Variants in COL27A1 observed in about 807,000 individuals in gnomAD.
COL27A1 encodes the protein collagen alpha-1(XXVII) chain.
In COL27A1, 106 loss-of-function variants were observed where a neutral mutation model predicts 251.3. That is an observed-to-expected ratio of 0.42 (90% confidence interval 0.36 to 0.50). The LOEUF is 0.50. Ranked by LOEUF, COL27A1 falls within the 20% of genes least tolerant of loss-of-function variation. COL27A1 has a pLI of 0.00. For missense variants in COL27A1, 2,325 were observed against 2,522.8 expected (o/e 0.92, Z 1.68); for synonymous variants, 1,000 against 986.3 (o/e 1.01, Z -0.26).
chr9:114,301,840 A>T (rs2131666363), intron 55 of COL27A1, 123 bp downstream of exon 55: 2 of 1,018,700 alleles, frequency 2.0e-6, no homozygotes, highest in East Asian at 2.5e-5. Flanking sequence ...TAGCCCACAG[A>T]CTCCTAGGAG....
rs746110407 is a variant in COL27A1 at position 114,300,135 on chromosome 9, C to G, written c.4638+12C>G. 8 of 1,613,274 alleles carry G rather than the reference C, an allele frequency of 5.0e-6. No homozygotes were observed. The highest frequency in any genetic ancestry group is 6.8e-6 in the Non-Finnish European group (8 of 1,179,246). ...TCTTCGGACCCAAGGTATGGACTCC[C>G]ACGGCTCACTGTTCCTGTGGGGTCC... On this transcript the variant is annotated intron_variant, in intron 50 of 60. Coordinates refer to ENST00000356083, the MANE Select transcript of COL27A1 (RefSeq NM_032888.4).
chr9:114,207,351 G>C (rs1830039092), intron 10 of COL27A1, among the ~76,000 whole-genome samples: 1 of 152,146 alleles, frequency 6.6e-6, no homozygotes. Context: ...GACAGGCAGG[G>C]CCTAAGGAGG....
Position 114,301,318 on chromosome 9 carries a change from G to A in COL27A1, c.4790G>A (p.Trp1597Ter). Residue 1597 changes from tryptophan to a stop codon, truncating the protein, a stop_gained and splice_region_variant, in exon 53 of 61, where the codon TGG (tryptophan) becomes TAG (stop). Coordinates refer to ENST00000356083, the MANE Select transcript of COL27A1 (RefSeq NM_032888.4). LOFTEE classifies it high-confidence loss of function. ...PKGDKGSRGD[W>*]GLQGPRGPPG... The stretch of plus-strand genomic sequence containing the variant: ...GGTGACAAAGGCAGCCGTGGGGACT[G>A]GGTAAGTGGATGGGCTGGGGCTGAG... The A allele has an allele frequency of 6.2e-7, 1 of 1,613,574 alleles. No individual in the cohort carries two copies. The highest frequency in any genetic ancestry group is 8.5e-7 in the Non-Finnish European group (1 of 1,179,826).
chr9:114,298,244 G>C (rs1482923936), intron 49 of COL27A1, among the ~76,000 whole-genome samples: 2 of 151,930 alleles, frequency 1.3e-5, no homozygotes, highest in African/African-American at 4.8e-5. Flanking sequence ...TAGGTCAGAA[G>C]ACTTTGTGTG....
chr9:114,297,644 C>T (rs1259402593), intron 49 of COL27A1, among the ~76,000 whole-genome samples: 1 of 151,984 alleles, frequency 6.6e-6, no homozygotes, highest in Middle Eastern at 3.2e-3. Flanking sequence ...GTGATGAAAA[C>T]ACAACAAACT....
Position 114,168,975 on chromosome 9 carries a change from G to A in COL27A1, c.1420G>A (p.Ala474Thr). The A allele has an allele frequency of 6.2e-7, 1 of 1,614,068 alleles. No homozygotes were observed. The highest frequency in any genetic ancestry group is 8.5e-7 in the Non-Finnish European group (1 of 1,180,038). ...ITSHASKPAS[A>T]RTSTHKPPPF... is the part of the protein sequence containing the mutation. ...CAGCCATGCCAGTAAGCCGGCCTCT[G>A]CCCGCACCAGCACCCACAAACCTCC... Residue 474 changes from alanine to threonine, a missense_variant, in exon 3 of 61, where the codon GCC (alanine) becomes ACC (threonine). This residue lies in a region of COL27A1 where 1,183 missense variants were observed against 1,144.1 expected (regional missense o/e 1.03). Transcript: ENST00000356083.
chr9:114,219,780 A>C lies in COL27A1; in HGVS notation c.2368-11A>C. On this transcript the variant is annotated splice_polypyrimidine_tract_variant and intron_variant, in intron 12 of 60. Coordinates refer to ENST00000356083, the MANE Select transcript of COL27A1 (RefSeq NM_032888.4). ...AACCTACAGATGTTTGTTCTCTCTCATGCCCTCCAGGGGTTTCCTGGAGTC... is the reference window on the plus strand; with the variant it reads ...AACCTACAGATGTTTGTTCTCTCTCCTGCCCTCCAGGGGTTTCCTGGAGTC... The C allele has an allele frequency of 6.3e-7, 1 of 1,599,488 alleles. No individual in the cohort carries two copies.
At chr9:114,226,905 A>T (rs1002127643) in intron 14 of COL27A1, among the ~76,000 whole-genome samples, 1 of 152,192 alleles carries the variant, frequency 6.6e-6, no homozygotes, top group Non-Finnish European at 1.5e-5. Context: ...GGTCAGTGTC[A>T]GAAGGGCCCT....
Position 114,245,888 on chromosome 9 carries a change from G to A in COL27A1, c.2957G>A (p.Arg986Gln), listed in dbSNP as rs781235729. ...CAGGGGGAACCAGGGGATCCTGGTC[G>A]GCCGGGGCCTGTGGGAGAGCAGGTT... ...GVKGEPGDPGRPGPVGEQGFM... is the reference protein window; with the variant it reads ...GVKGEPGDPGQPGPVGEQGFM... The change falls in exon 24 of 61, where the codon CGG becomes CAG. Residue 986 changes from arginine to glutamine, a missense_variant. Arg to Gln is a conservative substitution (Grantham distance 43). Around this residue, in one of 4 missense-constraint regions of COL27A1, gnomAD observed 662 missense variants for 795.3 expected, o/e 0.83. Transcript: ENST00000356083. 1.7e-5 allele frequency: 27 copies of A among 1,613,004 alleles called. No homozygotes were observed. Among genetic ancestry groups the A allele is most frequent in the Admixed American group, 8.4e-5 (5 of 59,812 alleles).
intron 19 of COL27A1, among the ~76,000 whole-genome samples, chr9:114,239,051 CTG>C (rs1832581738): frequency 6.6e-6 from 1 of 152,240 alleles, no homozygotes; most frequent in Non-Finnish European, 1.5e-5. Flanking sequence ...TTGGCTGACT[CTG>C]TAGCCGAGAG....
chr9:114,233,063 T>G (rs1032034424), intron 16 of COL27A1, among the ~76,000 whole-genome samples: 1 of 152,084 alleles, frequency 6.6e-6, no homozygotes, highest in African/African-American at 2.4e-5. Context: ...AGAGCAAGAC[T>G]CCCTCTCAAA....
intron 4 of COL27A1, among the ~76,000 whole-genome samples, chr9:114,181,506 T>C (rs1054883527): frequency 3.9e-5 from 6 of 152,150 alleles, no homozygotes; most frequent in African/African-American, 1.4e-4. Flanking sequence ...GTTAGCCCGA[T>C]GAATCAAGAG....
At chr9:114,277,901 G>A (rs930597608) in intron 37 of COL27A1, among the ~76,000 whole-genome samples, 8 of 152,272 alleles carry the variant, frequency 5.3e-5, no homozygotes, top group Admixed American at 3.9e-4. Flanking sequence ...CTGTGGAATG[G>A]GCAGGAACAC....
At chr9:114,275,196 C>T (rs900809769) in intron 36 of COL27A1, among the ~76,000 whole-genome samples, 2 of 151,658 alleles carry the variant, frequency 1.3e-5, no homozygotes, top group African/African-American at 2.4e-5. Context: ...CCCAGGAGGT[C>T]GAGGCTGCGG....
chr9:114,226,399 A>G (rs750267531), intron 14 of COL27A1, among the ~76,000 whole-genome samples: 7 of 152,198 alleles, frequency 4.6e-5, no homozygotes, highest in Non-Finnish European at 7.3e-5. Context: ...TGGGGCCACC[A>G]ATTTACACTT....
At chr9:114,217,369 G>C (rs78576677) in intron 12 of COL27A1, among the ~76,000 whole-genome samples, 1 of 152,322 alleles carries the variant, frequency 6.6e-6, no homozygotes, top group East Asian at 1.9e-4. Flanking sequence ...ATGGCAAAGA[G>C]AACTGAGGCC....
intron 4 of COL27A1, 23 bp downstream of exon 4, chr9:114,178,367 T>C (rs1827632329): frequency 1.2e-6 from 2 of 1,611,294 alleles, no homozygotes; most frequent in East Asian, 4.5e-5. Context: ...ACACTGTCCT[T>C]TGGAACTCTT....
At chr9:114,278,759 C>A (rs999247136) in intron 37 of COL27A1, among the ~76,000 whole-genome samples, 2 of 151,838 alleles carry the variant, frequency 1.3e-5, no homozygotes, top group African/African-American at 4.8e-5. Flanking sequence ...GTCACTTGGG[C>A]CAGACGAAGT....
Position 114,166,868 on chromosome 9 carries a change from G to A in COL27A1, c.134-821G>A, listed in dbSNP as rs191882490. On this transcript the variant is annotated intron_variant, in intron 2 of 60. Transcript: ENST00000356083. ...CCACAGTCAGATATCCATACGCTTT[G>A]CCAGGGGACAGAGGTTGCAGGGATG... is the stretch of plus-strand genomic sequence containing the variant. Among the ~76,000 whole-genome samples the A allele has an allele frequency of 2.6e-5, 4 of 152,356 alleles. No individual in the cohort carries two copies. The East Asian group carries it at 7.7e-4, about 29-fold the overall frequency.
Sources: gnomAD v4.1 joint callset for allele counts (sites outside exome capture counted in the v4.1 genomes callset) on GRCh38, gnomAD v4.1.1 for gene constraint, gnomAD v4.1.1 regional missense constraint, MANE v1.5 for transcripts, NCBI Gene and HGNC (gene_info 2026-07-23, HGNC 2026-07-21) for gene names.